The following RNF130 variants were observed in gnomAD, a reference collection of about 807,000 sequenced individuals.
RNF130 encodes E3 ubiquitin-protein ligase RNF130.
RNF130 carries 21 observed loss-of-function variants against 44.6 expected under a neutral mutation model. The observed-to-expected ratio is 0.47, with a 90% CI of 0.33 to 0.68. The LOEUF is 0.68. Ranked by LOEUF, RNF130 falls within the 30% of genes least tolerant of loss-of-function variation. The probability of loss-of-function intolerance (pLI) is 0.02; values close to 1 mark genes in which losing one functional copy is unlikely to be tolerated. For synonymous variants in RNF130, 214 were observed against 210.4 expected (o/e 1.02, Z -0.15); for missense variants, 479 against 560.6 (o/e 0.85, Z 1.47).
chr5:180,006,226 C>T (rs1763459992), intron 3 of RNF130, among the ~76,000 whole-genome samples: 1 of 152,010 alleles, frequency 6.6e-6, no homozygotes, highest in Admixed American at 6.6e-5. Flanking sequence ...TGTTTTGGGG[C>T]CATATAATCC....
chr5:179,983,580 C>T (rs890750848), intron 3 of RNF130, among the ~76,000 whole-genome samples: 6 of 152,128 alleles, frequency 3.9e-5, no homozygotes, highest in African/African-American at 1.4e-4. Flanking sequence ...TTAACCATCC[C>T]ACATTTCCTT....
intron 1 of RNF130, among the ~76,000 whole-genome samples, chr5:180,042,446 G>C (rs1764441902): frequency 6.6e-6 from 1 of 152,048 alleles, no homozygotes; most frequent in Non-Finnish European, 1.5e-5. Flanking sequence ...AATTAAACGG[G>C]GATAGAAGCC....
intron 1 of RNF130, among the ~76,000 whole-genome samples, chr5:180,061,764 G>C (rs1339804877): frequency 6.6e-6 from 1 of 152,176 alleles, no homozygotes; most frequent in East Asian, 1.9e-4. Flanking sequence ...CATCTGCAGA[G>C]ATCCTATTTC....
chr5:180,061,696 G>A (rs551415702), intron 1 of RNF130, among the ~76,000 whole-genome samples: 7 of 152,084 alleles, frequency 4.6e-5, no homozygotes, highest in Non-Finnish European at 7.3e-5. Flanking sequence ...GACATTAGTC[G>A]TTGGATTTAG....
chr5:179,993,822 T>C (rs1763145649), intron 3 of RNF130, among the ~76,000 whole-genome samples: 1 of 152,210 alleles, frequency 6.6e-6, no homozygotes, highest in South Asian at 2.1e-4. Context: ...CTGAATGGTA[T>C]TGCCTAGGTT....
intron 2 of RNF130, among the ~76,000 whole-genome samples, chr5:180,035,047 CTTATT>C (rs1025878615): frequency 6.6e-6 from 1 of 152,170 alleles, no homozygotes; most frequent in African/African-American, 2.4e-5. Context: ...TTCTGTCTCA[CTTATT>C]TCTCCTCTAA....
chr5:179,938,828 A>G (rs1761933822), intron 7 of RNF130, among the ~76,000 whole-genome samples: 1 of 152,222 alleles, frequency 6.6e-6, no homozygotes, highest in South Asian at 2.1e-4. Flanking sequence ...TTAACTTCAC[A>G]GCAGGCTGAC....
chr5:179,996,386 CTG>C (rs1396442899), intron 3 of RNF130, among the ~76,000 whole-genome samples: 3 of 152,178 alleles, frequency 2.0e-5, no homozygotes, highest in Non-Finnish European at 4.4e-5. Context: ...AGTGGGCATC[CTG>C]TGTTTTTCCA....
At chr5:179,950,086 G>A (rs915233354), downstream of RNF130, among the ~76,000 whole-genome samples, 2 of 152,172 alleles carry the variant, frequency 1.3e-5, no homozygotes, top group East Asian at 1.9e-4. Context: ...ATTTAAGGTT[G>A]ACAGTTGATA....
intron 1 of RNF130, among the ~76,000 whole-genome samples, chr5:180,070,870 T>C (rs557015310): frequency 5.9e-5 from 9 of 152,308 alleles, no homozygotes; most frequent in African/African-American, 2.2e-4. Context: ...GTAGTTCCGA[T>C]TAGTGTCAGA....
intron 2 of RNF130, among the ~76,000 whole-genome samples, chr5:180,038,390 G>GA (rs376909280): frequency 3.7e-4 from 47 of 128,454 alleles, no homozygotes; most frequent in East Asian, 3.3e-3. Flanking sequence ...CGGGGAGGGG[G>GA]AAAAAAAAAA....
intron 1 of RNF130, among the ~76,000 whole-genome samples, chr5:180,066,728 T>C (rs1411848685): frequency 6.6e-6 from 1 of 151,930 alleles, no homozygotes; most frequent in African/African-American, 2.4e-5. Context: ...TCCCAGCTAC[T>C]AGGGAGGCTG....
exon 8 of RNF130, chr5:179,916,378 A>G (rs535523034): frequency 3.3e-5 from 5 of 152,322 alleles, no homozygotes; most frequent in African/African-American, 1.2e-4. Flanking sequence ...TGCCTCTAAA[A>G]AAATAAAAAT....
At chr5:179,937,850 C>A (rs1197057021) in intron 7 of RNF130, among the ~76,000 whole-genome samples, 1 of 150,550 alleles carries the variant, frequency 6.6e-6, no homozygotes, top group African/African-American at 2.4e-5. Context: ...ACATACAATG[C>A]ACTGTTATTC....
rs555730516 is a variant in RNF130, at chr5:180,048,315, T to A, written c.248-7668A>T. Among the ~76,000 whole-genome samples, 21 of 152,276 alleles carry A rather than the reference T, an allele frequency of 1.4e-4. 1 individual carries two copies. In the South Asian group the frequency reaches 4.1e-3, roughly 30 times the overall value. ...GTCCGGTTTACGGCAAATCACTCTG[T>A]ATCTAATTTGTCTGTTTCCAGGTTG... On this transcript the variant is annotated intron_variant, in intron 1 of 8. Coordinates refer to ENST00000521389, the MANE Select transcript of RNF130 (RefSeq NM_018434.6).
At chr5:180,055,256 AAAAAAAAAAAAAAAAAAAAAAAAAC>A (rs1398104329) in intron 1 of RNF130, among the ~76,000 whole-genome samples, 6 of 32,704 alleles carry the variant, frequency 1.8e-4, no homozygotes, top group African/African-American at 7.5e-4. Flanking sequence ...CTCAAAAAAA[AAAAAAAAAAAAAAAAAAAAAAAAAC>A]AAAAAAAAAC....
At chr5:180,033,257 C>T (rs1264570556) in intron 2 of RNF130, among the ~76,000 whole-genome samples, 1 of 152,160 alleles carries the variant, frequency 6.6e-6, no homozygotes. Context: ...GTTGGGATTA[C>T]AGGTGTGTGC....
At chr5:179,993,584 C>T (rs938902803) in intron 3 of RNF130, among the ~76,000 whole-genome samples, 4 of 152,076 alleles carry the variant, frequency 2.6e-5, no homozygotes. Flanking sequence ...TGATTTTTTT[C>T]TTGCAAATTT....
chr5:180,005,773 T>C (rs774138059), intron 3 of RNF130, among the ~76,000 whole-genome samples: 1 of 152,220 alleles, frequency 6.6e-6, no homozygotes, highest in Non-Finnish European at 1.5e-5. Flanking sequence ...ATAACTCCTA[T>C]ACCACACAGT....
Sources: allele counts gnomAD v4.1 joint callset (sites outside exome capture counted in the v4.1 genomes callset), GRCh38; gene constraint gnomAD v4.1.1; transcripts MANE v1.5; gene names NCBI Gene and HGNC (gene_info 2026-07-23, HGNC 2026-07-21).